Variants in GPC5 observed in about 807,000 individuals in gnomAD.
The protein encoded by GPC5 is glypican 5, also known as glypican-5.
In GPC5, 47 loss-of-function variants were observed where a neutral mutation model predicts 53.9. The observed-to-expected ratio is 0.87, with a 90% CI of 0.69 to 1.11. GPC5 has a LOEUF of 1.11. GPC5 is among the 50% of genes most tolerant of loss of function. GPC5 has a pLI of 0.00. For synonymous variants in GPC5, 286 were observed against 263.3 expected, an observed-to-expected ratio of 1.09 and a Z score of -0.84; for missense variants, 748 against 713.1, an observed-to-expected ratio of 1.05 and a Z score of -0.56.
chr13:91,636,987 A>G (rs2034301702), intron 2 of GPC5, among the ~76,000 whole-genome samples: 1 of 152,088 alleles, frequency 6.6e-6, no homozygotes, highest in African/African-American at 2.4e-5. Context: ...AAAAACAATC[A>G]AGATTTCTTC....
At chr13:91,996,385 A>G (rs1017569501) in intron 6 of GPC5, 2 of 152,264 alleles carry the variant, frequency 1.3e-5, no homozygotes, top group Admixed American at 6.5e-5. Context: ...CTACAATGCA[A>G]GAGAATCTAT....
intron 1 of GPC5, among the ~76,000 whole-genome samples, chr13:91,422,164 A>C (rs2138987800): frequency 6.6e-6 from 1 of 152,342 alleles, no homozygotes; most frequent in Non-Finnish European, 1.5e-5. Flanking sequence ...AAATTCTGAC[A>C]AACTCAATCT....
At chr13:91,421,387 G>T (rs1167385896) in intron 1 of GPC5, among the ~76,000 whole-genome samples, 3 of 152,052 alleles carry the variant, frequency 2.0e-5, no homozygotes, top group Non-Finnish European at 4.4e-5. Context: ...TTATAATTAG[G>T]ATAATAATTG....
chr13:91,427,816 G>A (rs1300622973), intron 1 of GPC5, among the ~76,000 whole-genome samples: 1 of 152,136 alleles, frequency 6.6e-6, no homozygotes, highest in Non-Finnish European at 1.5e-5. Flanking sequence ...AGACCTGGGG[G>A]GAAGTGATTA....
intron 7 of GPC5, among the ~76,000 whole-genome samples, chr13:92,593,125 G>C (rs567873476): frequency 6.6e-6 from 1 of 151,200 alleles, no homozygotes; most frequent in South Asian, 2.1e-4. Context: ...CAGCACTTTG[G>C]GGTGATTTAA....
At chr13:91,605,309 C>G (rs1191456440) in intron 2 of GPC5, among the ~76,000 whole-genome samples, 19 of 148,488 alleles carry the variant, frequency 1.3e-4, no homozygotes, top group African/African-American at 4.2e-4. Flanking sequence ...TTCCATTGAT[C>G]TATGTCTCTG....
At chr13:92,580,970 A>G (rs1883350041) in intron 7 of GPC5, among the ~76,000 whole-genome samples, 1 of 152,192 alleles carries the variant, frequency 6.6e-6, no homozygotes, top group African/African-American at 2.4e-5. Context: ...AATTATGTAT[A>G]TTTATATTGT....
intron 5 of GPC5, among the ~76,000 whole-genome samples, chr13:91,813,906 G>T (rs2038355358): frequency 6.9e-6 from 1 of 144,812 alleles, no homozygotes; most frequent in South Asian, 2.3e-4. Flanking sequence ...TAGACTGTTG[G>T]ATTATCTTAA....
At chr13:92,733,015 TCTG>T (rs1888848083) in intron 7 of GPC5, among the ~76,000 whole-genome samples, 1 of 151,698 alleles carries the variant, frequency 6.6e-6, no homozygotes, top group South Asian at 2.1e-4. Flanking sequence ...TCAATTTCTT[TCTG>T]CTGTTTCTTG....
chr13:92,589,649 G>C (rs373787223), intron 7 of GPC5, among the ~76,000 whole-genome samples: 3 of 152,128 alleles, frequency 2.0e-5, no homozygotes, highest in African/African-American at 7.2e-5. Context: ...ATATTGCTTT[G>C]CCAAATTCCA....
At chr13:91,556,024 T>C (rs1164654761) in intron 2 of GPC5, among the ~76,000 whole-genome samples, 5 of 151,900 alleles carry the variant, frequency 3.3e-5, no homozygotes, top group African/African-American at 1.2e-4. Flanking sequence ...TGTAGAATGT[T>C]TCCATCACCA....
intron 7 of GPC5, among the ~76,000 whole-genome samples, chr13:92,272,523 G>T (rs2042846911): frequency 6.6e-6 from 1 of 152,128 alleles, no homozygotes; most frequent in Non-Finnish European, 1.5e-5. Flanking sequence ...CTTGTCAGAG[G>T]ACCGGACAGG....
At chr13:92,708,083 A>G (rs1489979612) in intron 7 of GPC5, among the ~76,000 whole-genome samples, 1 of 152,156 alleles carries the variant, frequency 6.6e-6, no homozygotes, top group Admixed American at 6.6e-5. Context: ...TGTTCAGTAC[A>G]TATATTTTAA....
At chr13:91,697,225 C>T (rs1283940323) in intron 3 of GPC5, among the ~76,000 whole-genome samples, 1 of 152,172 alleles carries the variant, frequency 6.6e-6, no homozygotes, top group Non-Finnish European at 1.5e-5. Context: ...TCACTGCAAC[C>T]TCTACCTCCC....
At chr13:92,594,628 A>G (rs1883809937) in intron 7 of GPC5, among the ~76,000 whole-genome samples, 1 of 152,206 alleles carries the variant, frequency 6.6e-6, no homozygotes, top group Non-Finnish European at 1.5e-5. Context: ...GACACCATCC[A>G]ATTTTTTCTG....
At chr13:91,727,959 T>G (rs573608451) in intron 3 of GPC5, among the ~76,000 whole-genome samples, 1 of 152,138 alleles carries the variant, frequency 6.6e-6, no homozygotes, top group Non-Finnish European at 1.5e-5. Flanking sequence ...GGATAAATTA[T>G]TTTTTAAAAA....
Position 92,319,672 on chromosome 13 carries a change from C to A in GPC5, c.1561+174683C>A, listed in dbSNP as rs1280019106. Among the ~76,000 whole-genome samples the A allele has an allele frequency of 4.6e-5, 7 of 152,072 alleles. No homozygotes were observed. In the East Asian group the frequency reaches 1.3e-3, roughly 29 times the overall value. ...ATTTTTTGTTTAGTCAAGTAAACTA[C>A]CTTCTTAATATAATAAGTAGCTTGC... On this transcript the variant is annotated intron_variant, in intron 7 of 7. Transcript: ENST00000377067.
intron 7 of GPC5, among the ~76,000 whole-genome samples, chr13:92,426,737 ATGAAAAT>A (rs1406471267): frequency 3.9e-5 from 6 of 152,076 alleles, no homozygotes; most frequent in African/African-American, 1.4e-4. Context: ...CAAAAATAAA[ATGAAAAT>A]TAAAAATTAA....
chr13:92,504,931 C>A (rs1436595178), intron 7 of GPC5, among the ~76,000 whole-genome samples: 1 of 151,490 alleles, frequency 6.6e-6, no homozygotes. Context: ...AGTTTTTACA[C>A]CTTACAACTA....
Sources: allele counts gnomAD v4.1 joint callset (sites outside exome capture counted in the v4.1 genomes callset), GRCh38; gene constraint gnomAD v4.1.1; transcripts MANE v1.5; gene names NCBI Gene and HGNC (gene_info 2026-07-23, HGNC 2026-07-21).